The following DLGAP1 variants were observed in gnomAD, a reference collection of about 807,000 sequenced individuals.
The protein encoded by DLGAP1 is disks large-associated protein 1.
A neutral mutation model predicts 90.8 loss-of-function variants in DLGAP1; 11 were observed. The ratio of observed to expected loss-of-function variants is 0.12; its 90% CI spans 0.08 to 0.20. The LOEUF is 0.20. Among genes scored for constraint, DLGAP1 ranks in the 10% least tolerant of loss-of-function variants. The pLI, the probability that DLGAP1 is intolerant of heterozygous loss-of-function variation, is 1.00. For missense variants in DLGAP1, 1,050 were observed against 1,333.8 expected (o/e 0.79, Z 3.31); for synonymous variants, 558 against 540.7 (o/e 1.03, Z -0.44).
intron 9 of DLGAP1, among the ~76,000 whole-genome samples, chr18:3,550,797 A>G (rs2144792188): frequency 7.6e-6 from 1 of 131,708 alleles, no homozygotes; most frequent in Non-Finnish European, 1.5e-5. Flanking sequence ...GCTGGAGTGC[A>G]GTGGCTCAAT....
At chr18:4,033,669 C>G (rs1203395309) in intron 2 of DLGAP1, among the ~76,000 whole-genome samples, 1 of 151,662 alleles carries the variant, frequency 6.6e-6, no homozygotes, top group Non-Finnish European at 1.5e-5. Context: ...TATTTTTTTC[C>G]AAATAATTCG....
At chr18:3,812,462 G>A (rs191293366) in intron 5 of DLGAP1, among the ~76,000 whole-genome samples, 2 of 151,566 alleles carry the variant, frequency 1.3e-5, no homozygotes, top group South Asian at 2.1e-4. Flanking sequence ...TCCTACTATC[G>A]GTGAATGTGA....
At chr18:3,776,575 C>T (rs1243227731) in intron 5 of DLGAP1, among the ~76,000 whole-genome samples, 1 of 152,122 alleles carries the variant, frequency 6.6e-6, no homozygotes, top group Non-Finnish European at 1.5e-5. Context: ...GCCGACTCTC[C>T]GTTATAACCA....
chr18:4,035,546 T>C (rs928538583), intron 2 of DLGAP1, among the ~76,000 whole-genome samples: 2 of 152,182 alleles, frequency 1.3e-5, no homozygotes, highest in African/African-American at 4.8e-5. Context: ...CAAAAATTGA[T>C]TATTTACTCC....
chr18:3,629,092 T>C (rs1301810850), intron 7 of DLGAP1, among the ~76,000 whole-genome samples: 1 of 152,252 alleles, frequency 6.6e-6, no homozygotes, highest in African/African-American at 2.4e-5. Flanking sequence ...TGAGAATTCC[T>C]ATTGCTGCTG....
At chr18:3,683,963 G>A (rs369101836) in intron 7 of DLGAP1, among the ~76,000 whole-genome samples, 2 of 152,102 alleles carry the variant, frequency 1.3e-5, no homozygotes, top group South Asian at 2.1e-4. Flanking sequence ...GGGGGGACAC[G>A]AGGATTAAAT....
chr18:4,419,980 C>G (rs2082992188), intron 1 of DLGAP1, among the ~76,000 whole-genome samples: 1 of 151,964 alleles, frequency 6.6e-6, no homozygotes, highest in South Asian at 2.1e-4. Flanking sequence ...ATACAGACAG[C>G]TTAAAAATAA....
chr18:4,371,065 G>A (rs1681399354), intron 1 of DLGAP1, among the ~76,000 whole-genome samples: 1 of 152,152 alleles, frequency 6.6e-6, no homozygotes, highest in Non-Finnish European at 1.5e-5. Flanking sequence ...GAGACATAGA[G>A]GTAGCATGAC....
intron 5 of DLGAP1, among the ~76,000 whole-genome samples, chr18:3,744,466 A>AC: frequency 6.6e-6 from 1 of 151,948 alleles, no homozygotes; most frequent in East Asian, 1.9e-4. Flanking sequence ...AATGCAAAAA[A>AC]CCCCCACAAC....
Position 4,286,942 on chromosome 18 carries a change from T to TC in DLGAP1, c.-266-135656dup, listed in dbSNP as rs2079711351. ...AACCACATGGATATTTGGGAATCTA[T>TC]CCCCTTCAGACTCAAGAGCAGGACA... is the stretch of plus-strand genomic sequence containing the variant. On this transcript the variant is annotated intron_variant, in intron 1 of 12. Coordinates refer to ENST00000315677, the MANE Select transcript of DLGAP1 (RefSeq NM_004746.4). Among the ~76,000 whole-genome samples, 3 of 152,194 alleles carry TC rather than the reference T, an allele frequency of 2.0e-5. No homozygotes were observed. The South Asian group carries it at 6.2e-4, about 32-fold the overall frequency.
rs566349334 is a variant in DLGAP1 at position 3,735,322 on chromosome 18, C to T, written c.1351-5947G>A. Reference sequence around the variant, plus strand: ...GCAACCTCTGCCTCCCAGATTCAAGCGATTCTTCTGCCTCAGCCTCCTGAG... The same window carrying T: ...GCAACCTCTGCCTCCCAGATTCAAGTGATTCTTCTGCCTCAGCCTCCTGAG... On this transcript the variant is annotated intron_variant, in intron 6 of 12. Transcript: ENST00000315677. Among the ~76,000 whole-genome samples, 5 of 152,314 alleles carry T rather than the reference C, an allele frequency of 3.3e-5. No individual in the cohort carries two copies. In the South Asian group the frequency reaches 6.2e-4, roughly 19 times the overall value.
chr18:3,812,773 C>T (rs1045792464), intron 5 of DLGAP1, among the ~76,000 whole-genome samples: 1 of 152,158 alleles, frequency 6.6e-6, no homozygotes, highest in Non-Finnish European at 1.5e-5. Flanking sequence ...AATAAATTCC[C>T]ATCGCACAAT....
chr18:4,232,348 T>C (rs1248864730), intron 1 of DLGAP1, among the ~76,000 whole-genome samples: 4 of 152,102 alleles, frequency 2.6e-5, no homozygotes, highest in South Asian at 2.1e-4. Context: ...CTTCTTTACA[T>C]AGGAGAGAAA....
chr18:3,789,969 A>G (rs2065649347), intron 5 of DLGAP1, among the ~76,000 whole-genome samples: 1 of 152,222 alleles, frequency 6.6e-6, no homozygotes, highest in Non-Finnish European at 1.5e-5. Flanking sequence ...TTTCAGAGTC[A>G]AAGAAAATTC....
Position 3,765,117 on chromosome 18 carries a change from C to CTTTTT in DLGAP1, c.1173-22610_1173-22606dup, listed in dbSNP as rs921982904. On this transcript the variant is annotated intron_variant, in intron 5 of 12. Transcript: ENST00000315677. ...CAGAATCTCCATGCACACTTGCAAA[C>CTTTTT]TTTTTTTTTTTTCTTTTTTTTTTTT... Among the ~76,000 whole-genome samples the CTTTTT allele has an allele frequency of 8.2e-4, 104 of 126,364 alleles. 1 individual carries two copies. Among genetic ancestry groups the CTTTTT allele is most frequent in the East Asian group, 2.0e-3 (7 of 3,478 alleles). 82.9% of individuals were successfully genotyped at this position (126,364 alleles called of 152,430 possible).
chr18:4,000,654 T>C (rs1231042681), intron 3 of DLGAP1, among the ~76,000 whole-genome samples: 2 of 152,228 alleles, frequency 1.3e-5, no homozygotes, highest in East Asian at 3.8e-4. Flanking sequence ...ATTGTGACCA[T>C]GGTATTTAAA....
rs1244371343 is a variant in DLGAP1 at position 3,964,202 on chromosome 18, G to A, written c.-73+40914C>T. On this transcript the variant is annotated intron_variant, in intron 3 of 12. Transcript: ENST00000315677. The stretch of plus-strand genomic sequence containing the variant: ...ATAATTTACACTCTTTAAAAAAGGG[G>A]CAGTGCAGACAGGAAGAACACCAGA... Among the ~76,000 whole-genome samples the A allele has an allele frequency of 3.3e-5, 5 of 152,072 alleles. No homozygotes were observed. In the East Asian group the frequency reaches 9.6e-4, roughly 29 times the overall value.
chr18:4,232,765 C>T lies in DLGAP1; in HGVS notation c.-266-81478G>A, dbSNP rs144366094. Among the ~76,000 whole-genome samples the T allele has an allele frequency of 5.9e-3, 895 of 152,254 alleles. 7 individuals are homozygous for T. Among genetic ancestry groups the T allele is most frequent in the Middle Eastern group, 0.024 (7 of 294 alleles). ...AGCTCCTCTCATATGGGACTTAGGG[C>T]AGCAGAAGGGACCTCACCGCATGAA... On this transcript the variant is annotated intron_variant, in intron 1 of 12. Transcript: ENST00000315677.
rs182764685 is a variant in DLGAP1 at position 3,979,509 on chromosome 18, T to A, written c.-73+25607A>T. Among the ~76,000 whole-genome samples the A allele has an allele frequency of 1.6e-3, 248 of 152,210 alleles. 1 individual carries two copies. Among genetic ancestry groups the A allele is most frequent in the African/African-American group, 5.9e-3 (243 of 41,524 alleles). ...CTCACGTGGATTTTTGAAAAGCGTATCTCTTAGAAAGAAAAAGTAGAAATT... is the reference window on the plus strand; with the variant it reads ...CTCACGTGGATTTTTGAAAAGCGTAACTCTTAGAAAGAAAAAGTAGAAATT... On this transcript the variant is annotated intron_variant, in intron 3 of 12. Coordinates refer to ENST00000315677, the MANE Select transcript of DLGAP1 (RefSeq NM_004746.4).
Sources: allele counts gnomAD v4.1 joint callset (sites outside exome capture counted in the v4.1 genomes callset), GRCh38; gene constraint gnomAD v4.1.1; transcripts MANE v1.5; gene names NCBI Gene and HGNC (gene_info 2026-07-23, HGNC 2026-07-21).